The following CYP2C19 variants were observed in gnomAD, a reference collection of about 807,000 sequenced individuals.
CYP2C19 encodes the protein cytochrome P450 2C19.
In CYP2C19, 59 loss-of-function variants were observed where a neutral mutation model predicts 40.9. That is an observed-to-expected ratio of 1.44 (90% CI 1.17 to 1.79). The LOEUF is 1.79. CYP2C19 is among the 40% of genes most tolerant of loss of function. The probability of loss-of-function intolerance (pLI) is 0.00; values close to 1 mark genes in which losing one functional copy is unlikely to be tolerated. For missense variants in CYP2C19, 754 were observed against 596.9 expected, an observed-to-expected ratio of 1.26 and a Z score of -2.74; for synonymous variants, 253 against 208.7, an observed-to-expected ratio of 1.21 and a Z score of -1.83.
At position 94,854,231 on chromosome 10, in the gene CYP2C19, C is replaced by G. The variant is rs1849699733; in HGVS notation, c.*1317C>G. On this transcript the variant is annotated 3_prime_UTR_variant, in exon 9 of 9. Coordinates refer to ENST00000371321, the MANE Select transcript of CYP2C19 (RefSeq NM_000769.4). ...ACAGGGTTTCACTATGTGGGCCAGGCTAGTCTTGAACTCCTGACCTCAAGT... is the reference window on the plus strand; with the variant it reads ...ACAGGGTTTCACTATGTGGGCCAGGGTAGTCTTGAACTCCTGACCTCAAGT... Among the ~76,000 whole-genome samples the G allele has an allele frequency of 6.6e-6, 1 of 151,848 alleles. No homozygotes were observed. The highest frequency in any genetic ancestry group is 2.4e-5 in the African/African-American group (1 of 41,320).
intron 5 of CYP2C19, among the ~76,000 whole-genome samples, chr10:94,795,888 C>A (rs1363728990): frequency 6.6e-6 from 1 of 151,942 alleles, no homozygotes; most frequent in Non-Finnish European, 1.5e-5. Flanking sequence ...TTTGTAGATT[C>A]TTGATATTAG....
At position 94,798,451 on chromosome 10, in the gene CYP2C19, G is replaced by A. The variant is rs913637633; in HGVS notation, c.819+16454G>A. On this transcript the variant is annotated intron_variant, in intron 5 of 8. Transcript: ENST00000371321. Reference sequence around the variant, plus strand: ...TAGAATAAGCACGATGTGGTGCTGAGAAGAATGTATATTCTGTTGATTTGG... The same window carrying A: ...TAGAATAAGCACGATGTGGTGCTGAAAAGAATGTATATTCTGTTGATTTGG... 2.6e-5 allele frequency among the ~76,000 whole-genome samples: 4 copies of A among 152,124 alleles called. No homozygotes were observed. The East Asian group carries it at 5.8e-4, about 22-fold the overall frequency.
intron 5 of CYP2C19, among the ~76,000 whole-genome samples, chr10:94,794,450 T>C (rs1488466263): frequency 6.6e-6 from 1 of 152,180 alleles, no homozygotes; most frequent in Non-Finnish European, 1.5e-5. Flanking sequence ...CACTGGGAGC[T>C]GTAGACTGGA....
rs143075956 is a variant in CYP2C19, at chr10:94,775,154, G to C, written c.265G>C (p.Asp89His). 6.2e-7 allele frequency: 1 copy of C among 1,614,132 alleles called. No homozygotes were observed. Among genetic ancestry groups the C allele is most frequent in the Non-Finnish European group, 8.5e-7 (1 of 1,180,028 alleles). ...GYEVVKEALI[D>H]LGEEFSGRGH... ...TGAAGTGGTGAAGGAAGCCCTGATT[G>C]ATCTTGGAGAGGAGTTTTCTGGAAG... The change falls in exon 2 of 9, where the codon GAT (aspartate) becomes CAT (histidine). Residue 89 changes from aspartate (D) to histidine (H), a missense_variant. Transcript: ENST00000371321.
rs113632773 is a variant in CYP2C19 at position 94,766,215 on chromosome 10, C to T, written c.168+3342C>T. Among the ~76,000 whole-genome samples the T allele has an allele frequency of 8.0e-3, 852 of 106,290 alleles. 13 individuals carry two copies. Among genetic ancestry groups the T allele is most frequent in the African/African-American group, 0.027 (782 of 28,586 alleles). The allele number at this position is 106,290 out of a possible 152,430, so 69.7% of individuals were successfully genotyped here. On this transcript the variant is annotated intron_variant, in intron 1 of 8. Coordinates refer to ENST00000371321, the MANE Select transcript of CYP2C19 (RefSeq NM_000769.4). ...AGATACAAAGCCAACAGTCATTTGC[C>T]AGGGAAGGATTGGACTGGTTTAACA...
At chr10:94,801,584 G>T (rs1323127531) in intron 5 of CYP2C19, among the ~76,000 whole-genome samples, 4 of 152,196 alleles carry the variant, frequency 2.6e-5, no homozygotes, top group Non-Finnish European at 5.9e-5. Flanking sequence ...TTGGGATGGA[G>T]AGTTCTGTAG....
chr10:94,770,817 T>A (rs1239729542), intron 1 of CYP2C19, among the ~76,000 whole-genome samples: 1 of 152,114 alleles, frequency 6.6e-6, no homozygotes, highest in Non-Finnish European at 1.5e-5. Context: ...TCAACAGATG[T>A]TTATGACTAC....
In CYP2C19 at chr10:94,854,055, G is replaced by T. The variant is rs769431552; in HGVS notation, c.*1141G>T. ...TTTTTTGAAATGGAGTCCCACTTTT[G>T]TTCCCCAGGCTGGAGTGCAATGGTG... On this transcript the variant is annotated 3_prime_UTR_variant, in exon 9 of 9. Coordinates refer to ENST00000371321, the MANE Select transcript of CYP2C19 (RefSeq NM_000769.4). Among the ~76,000 whole-genome samples the T allele has an allele frequency of 2.0e-5, 3 of 148,534 alleles. No individual in the cohort carries two copies. Among genetic ancestry groups the T allele is most frequent in the South Asian group, 2.1e-4 (1 of 4,686 alleles).
rs763972230 is a variant in CYP2C19 at position 94,781,906 on chromosome 10, A to T, written c.728A>T (p.Asp243Val). 2 of 1,505,760 alleles carry T rather than the reference A, an allele frequency of 1.3e-6. No homozygotes were observed. The highest frequency in any genetic ancestry group is 1.8e-6 in the Non-Finnish European group (2 of 1,139,768). The allele number at this position is 1,505,760 out of a possible 1,614,324, so 93.3% of individuals were successfully genotyped here. Reference protein sequence around the residue: ...LLKNLAFMESDILEKVKEHQE... With the variant: ...LLKNLAFMESVILEKVKEHQE... ...AAAAACCTTGCTTTTATGGAAAGTG[A>T]TATTTTGGAGAAAGTAAAAGAACAC... Residue 243 changes from aspartate (D) to valine (V), a missense_variant, in exon 5 of 9, where the codon GAT becomes GTT. By Grantham distance (152) the Asp-to-Val change is radical. Coordinates refer to ENST00000371321, the MANE Select transcript of CYP2C19 (RefSeq NM_000769.4).
intron 5 of CYP2C19, among the ~76,000 whole-genome samples, chr10:94,804,015 T>A (rs1042951317): frequency 6.6e-6 from 1 of 152,150 alleles, no homozygotes; most frequent in Non-Finnish European, 1.5e-5. Flanking sequence ...GCAGTCTGCC[T>A]GGGTGTGGAG....
chr10:94,848,500 G>A (rs1378099098), intron 7 of CYP2C19, among the ~76,000 whole-genome samples: 2 of 152,194 alleles, frequency 1.3e-5, no homozygotes, highest in Non-Finnish European at 2.9e-5. Context: ...ATAGTTTGAA[G>A]TCAGGTAGTG....
intron 5 of CYP2C19, among the ~76,000 whole-genome samples, chr10:94,811,996 T>C (rs1848933205): frequency 6.6e-6 from 1 of 152,228 alleles, no homozygotes; most frequent in African/African-American, 2.4e-5. Flanking sequence ...TTAGTATGTT[T>C]TTGCAGTGGC....
intron 7 of CYP2C19, among the ~76,000 whole-genome samples, chr10:94,849,090 C>T (rs923314924): frequency 1.3e-5 from 2 of 152,084 alleles, no homozygotes; most frequent in Non-Finnish European, 2.9e-5. Context: ...GCCTGATAGC[C>T]CTGTCCAGAA....
At chr10:94,769,595 G>A (rs562775090) in intron 1 of CYP2C19, among the ~76,000 whole-genome samples, 2 of 151,372 alleles carry the variant, frequency 1.3e-5, no homozygotes, top group East Asian at 3.9e-4. Flanking sequence ...TCCACAGACT[G>A]TTTGGTTTTT....
At chr10:94,823,354 G>A (rs951891991) in intron 6 of CYP2C19, among the ~76,000 whole-genome samples, 6 of 152,212 alleles carry the variant, frequency 3.9e-5, no homozygotes, top group Admixed American at 6.5e-5. Context: ...ACAAAGGGCA[G>A]TGCCAGAAAA....
chr10:94,785,672 T>G (rs1240328044), intron 5 of CYP2C19, among the ~76,000 whole-genome samples: 1 of 152,130 alleles, frequency 6.6e-6, no homozygotes, highest in Non-Finnish European at 1.5e-5. Flanking sequence ...AGGTTTTTCT[T>G]TTTAATGAAA....
At chr10:94,850,871 C>G (rs17878627) in intron 8 of CYP2C19, among the ~76,000 whole-genome samples, 7,247 of 152,260 alleles carry the variant, frequency 0.048, 232 homozygotes, top group South Asian at 0.11. Flanking sequence ...GCACCATGCT[C>G]TTTCCCTAGT....
chr10:94,770,262 G>A (rs781000911), intron 1 of CYP2C19, among the ~76,000 whole-genome samples: 18 of 152,150 alleles, frequency 1.2e-4, no homozygotes, highest in Non-Finnish European at 1.8e-4. Context: ...TTGCACTCTG[G>A]GGAAGTGTGC....
At chr10:94,764,553 T>C (rs1043283621) in intron 1 of CYP2C19, among the ~76,000 whole-genome samples, 2 of 152,050 alleles carry the variant, frequency 1.3e-5, no homozygotes, top group Non-Finnish European at 2.9e-5. Context: ...ACACCCCAAC[T>C]GCTGTTGGGA....
Sources: allele counts gnomAD v4.1 joint callset (sites outside exome capture counted in the v4.1 genomes callset), GRCh38; gene constraint gnomAD v4.1.1; transcripts MANE v1.5; gene names NCBI Gene and HGNC (gene_info 2026-07-23, HGNC 2026-07-21).